DENND6A: variants seen among roughly 807,000 people sequenced by gnomAD.
DENND6A encodes DENN domain containing 6A.
Under a neutral mutation model 95.5 loss-of-function variants are expected in DENND6A, and 43 were observed. The ratio of observed to expected loss-of-function variants is 0.45; its 90% confidence interval spans 0.35 to 0.58. The LOEUF is 0.58. Among genes scored for constraint, DENND6A ranks in the 20% least tolerant of loss-of-function variants. DENND6A has a pLI of 0.00. For missense variants in DENND6A, 574 were observed against 736.0 expected, an observed-to-expected ratio of 0.78 and a Z score of 2.55; for synonymous variants, 257 against 260.4, an observed-to-expected ratio of 0.99 and a Z score of 0.13.
intron 5 of DENND6A, among the ~76,000 whole-genome samples, chr3:57,662,180 T>TTTTTC: frequency 8.3e-6 from 1 of 120,842 alleles, no homozygotes; most frequent in African/African-American, 2.9e-5. Flanking sequence ...TTTCTTTTCT[T>TTTTTC]TTTTCTTTTT....
rs1398567377 is a variant in DENND6A, at chr3:57,630,507, G to A, written c.1534C>T (p.Pro512Ser). ...GTCTTAAACCAGCCATCAAAATTTG[G>A]AGACTTTAGGAAATGCCTATAAAAA... Reference protein sequence around the residue: ...IGLYRHFLKSPNFDGWFKTRR... With the variant: ...IGLYRHFLKSSNFDGWFKTRR... The change falls in exon 18 of 20, where the codon CCA (proline) becomes TCA (serine). Residue 512 changes from proline to serine, a missense_variant. By Grantham distance (74) the Pro-to-Ser change is moderately conservative. Transcript: ENST00000311128. 1.9e-6 allele frequency: 3 copies of A among 1,587,236 alleles called. No homozygotes were observed. The highest frequency in any genetic ancestry group is 2.4e-5 in the South Asian group (2 of 84,876).
chr3:57,688,243 G>A (rs972164156), intron 1 of DENND6A, among the ~76,000 whole-genome samples: 4 of 151,852 alleles, frequency 2.6e-5, no homozygotes, highest in African/African-American at 7.3e-5. Context: ...TGATCCACGC[G>A]CCTCAGCCTC....
intron 1 of DENND6A, among the ~76,000 whole-genome samples, chr3:57,681,146 T>TAGTG (rs2077160192): frequency 6.6e-6 from 1 of 152,086 alleles, no homozygotes; most frequent in Non-Finnish European, 1.5e-5. Context: ...CTGGACAACA[T>TAGTG]AGTGAGACTC....
chr3:57,663,755 A>G (rs878908218), intron 4 of DENND6A, 39 bp from the exon 5 acceptor site: 1 of 1,270,928 alleles, frequency 7.9e-7, no homozygotes, highest in Non-Finnish European at 1.1e-6. Flanking sequence ...GTGGGGGGGT[A>G]CATATATATG....
At position 57,630,441 on chromosome 3, in the gene DENND6A, G is replaced by C. The variant is rs375702485; in HGVS notation, c.1600C>G (p.Leu534Val). Residue 534 changes from leucine (L) to valine (V), a missense_variant, in exon 18 of 20, where the codon CTA becomes GTA. Coordinates refer to ENST00000311128, the MANE Select transcript of DENND6A (RefSeq NM_152678.3). Reference sequence around the variant, plus strand: ...CGAACCTCTTCACAAAGAGCTTCTAGATGGAGTGCCTCCAATTTTTGGGTC... The same window carrying C: ...CGAACCTCTTCACAAAGAGCTTCTACATGGAGTGCCTCCAATTTTTGGGTC... ...EMTQKLEALH[L>V]EALCEEDLLL... 23 of 1,590,776 alleles carry C rather than the reference G, an allele frequency of 1.4e-5. No individual in the cohort carries two copies. The African/African-American group carries it at 3.0e-4, about 21-fold the overall frequency.
intron 7 of DENND6A, 60 bp downstream of exon 7, chr3:57,660,700 C>T (rs1460421235): frequency 1.4e-6 from 2 of 1,457,758 alleles, no homozygotes; most frequent in African/African-American, 1.4e-5. Flanking sequence ...AGCACAAGAC[C>T]CTGTCTCAAA....
At chr3:57,662,916 C>T (rs2071449915) in intron 5 of DENND6A, among the ~76,000 whole-genome samples, 3 of 151,772 alleles carry the variant, frequency 2.0e-5, no homozygotes, top group Admixed American at 6.6e-5. Context: ...GTCAGGAGTT[C>T]GAGACCAGCC....
intron 4 of DENND6A, among the ~76,000 whole-genome samples, chr3:57,665,028 A>G (rs2071505015): frequency 6.6e-6 from 1 of 152,188 alleles, no homozygotes; most frequent in South Asian, 2.1e-4. Flanking sequence ...TAGGAGTTTC[A>G]GTAAAAACAC....
chr3:57,628,485 G>C, intron 19 of DENND6A, 140 bp from the exon 20 acceptor site: 1 of 1,218,386 alleles, frequency 8.2e-7, no homozygotes, highest in Non-Finnish European at 1.1e-6. Context: ...AACTAAAAAA[G>C]CAAGGAGCAT....
chr3:57,659,605 G>A (rs2071387334), intron 7 of DENND6A, among the ~76,000 whole-genome samples: 1 of 152,126 alleles, frequency 6.6e-6, no homozygotes, highest in African/African-American at 2.4e-5. Context: ...ATTTCCCAAG[G>A]AAAAACACAA....
intron 1 of DENND6A, among the ~76,000 whole-genome samples, chr3:57,691,669 C>CAAAAAAAAA (rs71091304): frequency 3.2e-5 from 3 of 93,598 alleles, no homozygotes; most frequent in Admixed American, 1.3e-4. Flanking sequence ...TCACCAATAC[C>CAAAAAAAAA]AAAAAAAAAA....
chr3:57,634,469 C>T, intron 14 of DENND6A, 89 bp downstream of exon 14: 1 of 596,706 alleles, frequency 1.7e-6, no homozygotes, highest in Non-Finnish European at 2.5e-6. Flanking sequence ...TCCTATTTCA[C>T]ATTAGTATAC....
intron 5 of DENND6A, among the ~76,000 whole-genome samples, chr3:57,662,189 T>TC (rs1333113507): frequency 1.6e-4 from 20 of 121,400 alleles, no homozygotes; most frequent in Admixed American, 1.1e-3. Context: ...TTTTTTCTTT[T>TC]TTTTTTTTTT....
intron 3 of DENND6A, among the ~76,000 whole-genome samples, chr3:57,670,273 G>C (rs1279385090): frequency 3.3e-5 from 5 of 152,054 alleles, no homozygotes; most frequent in Non-Finnish European, 7.4e-5. Flanking sequence ...GATTTAGTTC[G>C]AATGCATACA....
intron 1 of DENND6A, among the ~76,000 whole-genome samples, chr3:57,690,798 G>C (rs533640082): frequency 1.1e-4 from 17 of 152,056 alleles, no homozygotes; most frequent in Non-Finnish European, 2.4e-4. Flanking sequence ...CCCTGGTTCT[G>C]AACTCTAGCC....
intron 9 of DENND6A, among the ~76,000 whole-genome samples, chr3:57,656,392 C>T (rs35351519): frequency 6.6e-6 from 1 of 152,074 alleles, no homozygotes; most frequent in African/African-American, 2.4e-5. Context: ...ATTCCATGTG[C>T]ATTCATGTAT....
At chr3:57,662,022 T>A (rs1309413950) in intron 5 of DENND6A, among the ~76,000 whole-genome samples, 2 of 147,026 alleles carry the variant, frequency 1.4e-5, no homozygotes, top group African/African-American at 4.9e-5. Flanking sequence ...TTATCCCAAT[T>A]TTTAAACATT....
intron 9 of DENND6A, among the ~76,000 whole-genome samples, chr3:57,649,937 A>G: frequency 6.6e-6 from 1 of 151,562 alleles, no homozygotes; most frequent in Non-Finnish European, 1.5e-5. Flanking sequence ...ACACACACAC[A>G]CACACCGTGG....
intron 9 of DENND6A, among the ~76,000 whole-genome samples, chr3:57,655,171 T>C (rs2071299217): frequency 6.6e-6 from 1 of 152,086 alleles, no homozygotes; most frequent in South Asian, 2.1e-4. Context: ...GTAGCTGAGA[T>C]TACAGGCGGC....
Sources: gnomAD v4.1 joint callset for allele counts (sites outside exome capture counted in the v4.1 genomes callset) on GRCh38, gnomAD v4.1.1 for gene constraint, MANE v1.5 for transcripts, NCBI Gene and HGNC (gene_info 2026-07-23, HGNC 2026-07-21) for gene names.